ADGRL2: variants seen among roughly 807,000 people sequenced by gnomAD.
ADGRL2 encodes the protein adhesion G protein-coupled receptor L2, also known as calcium-independent alpha-latrotoxin receptor 2.
ADGRL2 carries 44 observed loss-of-function variants against 157.4 expected under a neutral mutation model. The ratio of observed to expected loss-of-function variants is 0.28; its 90% CI spans 0.22 to 0.36. ADGRL2 has a LOEUF of 0.36. ADGRL2 is among the 10% of genes least tolerant of loss of function. The pLI, the probability that ADGRL2 is intolerant of heterozygous loss-of-function variation, is 1.00. For missense variants in ADGRL2, 1,510 were observed against 1,768.9 expected, an observed-to-expected ratio of 0.85 and a Z score of 2.63; for synonymous variants, 585 against 624.7, an observed-to-expected ratio of 0.94 and a Z score of 0.95.
intron 1 of ADGRL2, among the ~76,000 whole-genome samples, chr1:81,389,723 T>G (rs2076499936): frequency 6.6e-6 from 1 of 152,144 alleles, no homozygotes; most frequent in African/African-American, 2.4e-5. Context: ...GCACATTTGT[T>G]GTTTATCTAA....
intron 1 of ADGRL2, among the ~76,000 whole-genome samples, chr1:81,373,221 T>C (rs144649825): frequency 6.6e-6 from 1 of 152,332 alleles, no homozygotes; most frequent in Non-Finnish European, 1.5e-5. Context: ...GACTGAATCA[T>C]TGTTCCTGCT....
intron 1 of ADGRL2, among the ~76,000 whole-genome samples, chr1:81,437,771 T>G (rs963276605): frequency 2.0e-5 from 3 of 152,216 alleles, no homozygotes; most frequent in African/African-American, 7.2e-5. Context: ...GAACATTCTA[T>G]TTTAGGGTCC....
At chr1:81,955,385 A>G (rs1653168424) in intron 10 of ADGRL2, among the ~76,000 whole-genome samples, 1 of 152,072 alleles carries the variant, frequency 6.6e-6, no homozygotes, top group Non-Finnish European at 1.5e-5. Context: ...GTCTATAAGG[A>G]ATAATTTTGG....
chr1:81,644,053 A>G (rs2082270353), intron 3 of ADGRL2, among the ~76,000 whole-genome samples: 1 of 152,230 alleles, frequency 6.6e-6, no homozygotes, highest in African/African-American at 2.4e-5. Flanking sequence ...GAAACAGAAT[A>G]GAGCCCAGAA....
At chr1:81,442,797 A>G (rs2077531814) in intron 1 of ADGRL2, among the ~76,000 whole-genome samples, 2 of 152,328 alleles carry the variant, frequency 1.3e-5, no homozygotes, top group South Asian at 4.1e-4. Context: ...AGAAGAAAAT[A>G]GGTCCATTTC....
At chr1:81,789,409 A>G (rs1291888545) in intron 2 of ADGRL2, among the ~76,000 whole-genome samples, 1 of 152,220 alleles carries the variant, frequency 6.6e-6, no homozygotes, top group Non-Finnish European at 1.5e-5. Flanking sequence ...ATACTGTACT[A>G]ATACATTTTG....
At chr1:81,445,340 A>G (rs564778155) in intron 2 of ADGRL2, among the ~76,000 whole-genome samples, 1 of 152,316 alleles carries the variant, frequency 6.6e-6, no homozygotes, top group South Asian at 2.1e-4. Flanking sequence ...CTGTCTACCT[A>G]TCTAGATTTC....
rs191035064 is a variant in ADGRL2, at chr1:81,720,444, T to A, written c.-143+20636T>A. Among the ~76,000 whole-genome samples the A allele has an allele frequency of 3.0e-3, 449 of 152,154 alleles. 1 individual carries two copies. The highest frequency in any genetic ancestry group is 0.01 in the African/African-American group (420 of 41,514). On this transcript the variant is annotated intron_variant, in intron 1 of 20. Coordinates refer to the ADGRL2 transcript ENST00000359929. ...CCTCGGCCTCCCAAAGTGCTGAGAT[T>A]AACAGGCATGAGTCACTGCGCCCGG...
chr1:81,604,275 C>T (rs2081389589), intron 3 of ADGRL2, among the ~76,000 whole-genome samples: 1 of 152,082 alleles, frequency 6.6e-6, no homozygotes, highest in Admixed American at 6.6e-5. Context: ...TATAAGAACC[C>T]AACATCTTAA....
At chr1:81,917,340 A>G (rs998189545) in intron 3 of ADGRL2, among the ~76,000 whole-genome samples, 1 of 152,150 alleles carries the variant, frequency 6.6e-6, no homozygotes, top group Admixed American at 6.6e-5. Flanking sequence ...TTTTACTAAT[A>G]CATATTTTTG....
chr1:81,546,491 G>A lies in ADGRL2; in HGVS notation c.-247-34385G>A, dbSNP rs546043794. 2.4e-4 allele frequency among the ~76,000 whole-genome samples: 37 copies of A among 152,278 alleles called. 1 individual carries two copies. The East Asian group carries it at 6.2e-3, about 25-fold the overall frequency. ...GAAACATTTCATTCCCACAGATATA[G>A]CATAATAATAATGATAAATTAGGAA... On this transcript the variant is annotated intron_variant, in intron 2 of 24. Coordinates refer to the ADGRL2 transcript ENST00000370721.
chr1:81,682,227 T>A (rs954205391), intron 3 of ADGRL2, among the ~76,000 whole-genome samples: 4 of 151,930 alleles, frequency 2.6e-5, no homozygotes, highest in African/African-American at 7.3e-5. Context: ...AAAAGACAAC[T>A]GAGATGCATA....
intron 2 of ADGRL2, among the ~76,000 whole-genome samples, chr1:81,566,984 G>C (rs1439811904): frequency 6.6e-6 from 1 of 152,018 alleles, no homozygotes; most frequent in Non-Finnish European, 1.5e-5. Flanking sequence ...TCACAAACCA[G>C]CTAAATAAAT....
At chr1:81,650,670 T>C (rs528495204) in intron 3 of ADGRL2, among the ~76,000 whole-genome samples, 1 of 152,192 alleles carries the variant, frequency 6.6e-6, no homozygotes. Context: ...AGCTAAGTAG[T>C]AGCAAGATGT....
chr1:81,398,773 T>A (rs2076700771), intron 1 of ADGRL2, among the ~76,000 whole-genome samples: 1 of 152,210 alleles, frequency 6.6e-6, no homozygotes, highest in Non-Finnish European at 1.5e-5. Context: ...CTGCTGACAG[T>A]CTAATGGAGA....
At chr1:81,551,809 C>CATCA (rs1215716137) in intron 2 of ADGRL2, among the ~76,000 whole-genome samples, 9 of 152,140 alleles carry the variant, frequency 5.9e-5, no homozygotes, top group Admixed American at 2.0e-4. Context: ...TCTTCTAGCA[C>CATCA]ATCAATCAAT....
intron 2 of ADGRL2, among the ~76,000 whole-genome samples, chr1:81,569,926 C>T (rs2080648317): frequency 1.3e-5 from 2 of 152,198 alleles, no homozygotes; most frequent in Non-Finnish European, 2.9e-5. Context: ...GCCTCACTCA[C>T]ATGGGTATTG....
At chr1:81,656,781 G>A (rs1182334208) in intron 3 of ADGRL2, among the ~76,000 whole-genome samples, 1 of 152,020 alleles carries the variant, frequency 6.6e-6, no homozygotes, top group Non-Finnish European at 1.5e-5. Flanking sequence ...AGGCTGAGAC[G>A]GGTGGATTGC....
In ADGRL2 at chr1:81,976,772, G is replaced by A. The variant is rs1485869591; in HGVS notation, c.3022-3097G>A. 2.6e-5 allele frequency among the ~76,000 whole-genome samples: 4 copies of A among 151,892 alleles called. No homozygotes were observed. The East Asian group carries it at 5.8e-4, about 22-fold the overall frequency. On this transcript the variant is annotated intron_variant, in intron 17 of 23. Transcript: ENST00000686636. ...AAGCGTGGCCAATTGCTGATTGTGG[G>A]ATGCTAGTGTTTTACAAAGGAAATG...
Sources: gnomAD v4.1 joint callset for allele counts (sites outside exome capture counted in the v4.1 genomes callset) on GRCh38, gnomAD v4.1.1 for gene constraint, MANE v1.5 for transcripts, NCBI Gene and HGNC (gene_info 2026-07-23, HGNC 2026-07-21) for gene names.